CLYBL: variants seen among roughly 807,000 people sequenced by gnomAD.
CLYBL encodes citramalyl-CoA lyase.
CLYBL carries 31 observed loss-of-function variants against 38.9 expected under a neutral mutation model. The ratio of observed to expected loss-of-function variants is 0.80; its 90% confidence interval spans 0.60 to 1.08. The LOEUF (loss-of-function observed/expected upper bound fraction) is 1.08. CLYBL is among the 50% of genes least tolerant of loss of function. The pLI is 0.00. For missense variants in CLYBL, 434 were observed against 411.6 expected (o/e 1.05, Z -0.47); for synonymous variants, 171 against 158.6 (o/e 1.08, Z -0.59).
At chr13:99,864,402 A>C (rs1479362883) in intron 4 of CLYBL, among the ~76,000 whole-genome samples, 1 of 152,164 alleles carries the variant, frequency 6.6e-6, no homozygotes, top group Non-Finnish European at 1.5e-5. Flanking sequence ...TCCTGAGACC[A>C]TGTGCTTGAT....
chr13:99,840,612 T>TG (rs1483892709), intron 2 of CLYBL, among the ~76,000 whole-genome samples: 1 of 151,356 alleles, frequency 6.6e-6, no homozygotes, highest in Non-Finnish European at 1.5e-5. Context: ...TAGCCAGGCG[T>TG]GGGGGCATGC....
intron 2 of CLYBL, among the ~76,000 whole-genome samples, chr13:99,788,595 A>G (rs912836838): frequency 1.1e-4 from 17 of 152,128 alleles, no homozygotes; most frequent in African/African-American, 4.1e-4. Flanking sequence ...TGCTGGATTC[A>G]GTTTGCCAGT....
intron 7 of CLYBL, among the ~76,000 whole-genome samples, chr13:99,881,569 C>G (rs529492258): frequency 3.3e-3 from 506 of 151,582 alleles, no homozygotes; most frequent in Middle Eastern, 0.027. Context: ...ACCACAGGTG[C>G]GTGTCACCAC....
chr13:99,717,458 GA>G (rs2048335306), intron 1 of CLYBL, among the ~76,000 whole-genome samples: 2 of 117,772 alleles, frequency 1.7e-5, no homozygotes. Context: ...AAAAAAAAAA[GA>G]ATTATTTTTT....
intron 2 of CLYBL, among the ~76,000 whole-genome samples, chr13:99,822,113 A>C (rs919493766): frequency 1.3e-5 from 2 of 152,194 alleles, no homozygotes; most frequent in African/African-American, 4.8e-5. Flanking sequence ...CCACCAGATA[A>C]CTGTACCCAC....
At chr13:99,857,930 A>C (rs974463875) in intron 2 of CLYBL, among the ~76,000 whole-genome samples, 4 of 152,114 alleles carry the variant, frequency 2.6e-5, no homozygotes, top group African/African-American at 9.7e-5. Flanking sequence ...GACAATGAGA[A>C]TTTGTTGAGG....
At chr13:99,622,551 A>G (rs2046813338) in intron 1 of CLYBL, among the ~76,000 whole-genome samples, 1 of 152,186 alleles carries the variant, frequency 6.6e-6, no homozygotes, top group Non-Finnish European at 1.5e-5. Context: ...GTTTACATGT[A>G]TGGGTGCCCC....
intron 1 of CLYBL, among the ~76,000 whole-genome samples, chr13:99,753,663 A>G (rs1190820598): frequency 6.6e-6 from 1 of 152,198 alleles, no homozygotes; most frequent in Non-Finnish European, 1.5e-5. Flanking sequence ...TGTTAGAGTT[A>G]TTATTTTAGT....
At chr13:99,810,316 C>T (rs765651485) in intron 2 of CLYBL, among the ~76,000 whole-genome samples, 173 of 152,162 alleles carry the variant, frequency 1.1e-3, no homozygotes, top group Non-Finnish European at 2.0e-3. Context: ...GAGTGTAAAA[C>T]AGGACTCCAG....
chr13:99,833,171 A>G (rs1262157175), intron 2 of CLYBL, among the ~76,000 whole-genome samples: 3 of 149,144 alleles, frequency 2.0e-5, no homozygotes, highest in African/African-American at 7.4e-5. Context: ...CCTCCCAAGT[A>G]GCTGGGATTA....
intron 2 of CLYBL, among the ~76,000 whole-genome samples, chr13:99,852,441 T>C (rs1275042894): frequency 6.6e-6 from 1 of 152,152 alleles, no homozygotes; most frequent in Admixed American, 6.5e-5. Context: ...GCTGTACAAC[T>C]CTATGAATAC....
chr13:99,792,573 CACACCCCACCCT>C (rs1376734393), intron 2 of CLYBL, among the ~76,000 whole-genome samples: 1 of 152,126 alleles, frequency 6.6e-6, no homozygotes, highest in African/African-American at 2.4e-5. Context: ...CCCTCCACCC[CACACCCCACCCT>C]ACGCCCCACC....
chr13:99,841,494 G>T (rs1314758781), intron 2 of CLYBL, among the ~76,000 whole-genome samples: 2 of 152,194 alleles, frequency 1.3e-5, no homozygotes, highest in African/African-American at 4.8e-5. Context: ...CCGCCTCCCG[G>T]GTTCAAGCAA....
intron 1 of CLYBL, among the ~76,000 whole-genome samples, chr13:99,713,092 C>T (rs1390420439): frequency 1.3e-5 from 2 of 152,064 alleles, no homozygotes; most frequent in Non-Finnish European, 2.9e-5. Flanking sequence ...TCTAATGCTG[C>T]CATTGCTTTA....
At chr13:99,809,699 G>A (rs1007299415) in intron 2 of CLYBL, among the ~76,000 whole-genome samples, 1 of 152,250 alleles carries the variant, frequency 6.6e-6, no homozygotes, top group Non-Finnish European at 1.5e-5. Context: ...GTGACGGCTG[G>A]CGCCTCTGGT....
intron 1 of CLYBL, among the ~76,000 whole-genome samples, chr13:99,667,490 C>T (rs2047500583): frequency 7.0e-6 from 1 of 143,682 alleles, no homozygotes; most frequent in Non-Finnish European, 1.5e-5. Flanking sequence ...AGTGGAGAGA[C>T]CACTTGCATC....
At chr13:99,666,078 T>G (rs1418547532) in intron 1 of CLYBL, among the ~76,000 whole-genome samples, 1 of 152,098 alleles carries the variant, frequency 6.6e-6, no homozygotes, top group East Asian at 1.9e-4. Context: ...TGAGGCCTCT[T>G]GGACACAGGA....
intron 1 of CLYBL, among the ~76,000 whole-genome samples, chr13:99,670,974 A>C (rs574197920): frequency 6.6e-6 from 1 of 152,262 alleles, no homozygotes; most frequent in Non-Finnish European, 1.5e-5. Context: ...AAAGCCCTGC[A>C]TTGCTGGCTC....
chr13:99,637,026 T>C lies in CLYBL; in HGVS notation c.62+30269T>C, dbSNP rs371836203. ...TCCTGAGTAGCTGGGACTACAGTCA[T>C]GTGCAACCATGCCTGGCTAATTTTT... On this transcript the variant is annotated intron_variant, in intron 1 of 8. Transcript: ENST00000339105. Among the ~76,000 whole-genome samples the C allele has an allele frequency of 7.2e-5, 11 of 152,298 alleles. 1 individual carries two copies. Among genetic ancestry groups the C allele is most frequent in the South Asian group, 6.2e-4 (3 of 4,826 alleles).
Sources: gnomAD v4.1 joint callset for allele counts (sites outside exome capture counted in the v4.1 genomes callset) on GRCh38, gnomAD v4.1.1 for gene constraint, MANE v1.5 for transcripts, NCBI Gene and HGNC (gene_info 2026-07-23, HGNC 2026-07-21) for gene names.